The following FOLH1 variants were observed in gnomAD, a reference collection of about 807,000 sequenced individuals.
FOLH1 encodes the protein glutamate carboxypeptidase 2.
FOLH1 carries 54 observed loss-of-function variants against 93.9 expected under a neutral mutation model. The ratio of observed to expected loss-of-function variants is 0.57; its 90% CI spans 0.46 to 0.72. The LOEUF is 0.72. FOLH1 is among the 30% of genes least tolerant of loss of function. The pLI, the probability that FOLH1 is intolerant of heterozygous loss-of-function variation, is 0.00. For synonymous variants in FOLH1, 249 were observed against 303.6 expected (o/e 0.82, Z 1.87); for missense variants, 571 against 892.5 (o/e 0.64, Z 4.59).
intron 5 of FOLH1, among the ~76,000 whole-genome samples, 164 bp downstream of exon 5, chr11:49,186,480 G>A (rs1861397323): frequency 6.6e-6 from 1 of 152,062 alleles, no homozygotes; most frequent in Non-Finnish European, 1.5e-5. Context: ...TTTAACCCCG[G>A]GATATAACCT....
rs1858892950 is a variant in FOLH1 at position 49,169,278 on chromosome 11, T to G, written c.1309-20A>C. 6.2e-7 allele frequency: 1 copy of G among 1,608,398 alleles called. No individual in the cohort carries two copies. The highest frequency in any genetic ancestry group is 1.7e-5 in the Admixed American group (1 of 59,918). On this transcript the variant is annotated intron_variant, in intron 11 of 18. Coordinates refer to ENST00000256999, the MANE Select transcript of FOLH1 (RefSeq NM_004476.3). ...ATTCTCCTATAATAAAAAGGAAAAC[T>G]ATAAATATAAAGTTATAACCCACTC... is the stretch of plus-strand genomic sequence containing the variant.
chr11:49,177,723 G>A (rs1160463930), intron 7 of FOLH1, among the ~76,000 whole-genome samples: 6 of 149,852 alleles, frequency 4.0e-5, no homozygotes, highest in Admixed American at 3.3e-4. Flanking sequence ...CGAGGCAAGC[G>A]GATCACCTGA....
Position 49,208,401 on chromosome 11 carries a change from A to C in FOLH1, c.9T>G (p.Asn3Lys). 1 of 1,597,794 alleles carries C rather than the reference A, an allele frequency of 6.3e-7. No individual in the cohort carries two copies. The highest frequency in any genetic ancestry group is 8.5e-7 in the Non-Finnish European group (1 of 1,169,834). Residue 3 changes from asparagine (N) to lysine (K), a missense_variant, in exon 1 of 19, where the codon AAT (asparagine) becomes AAG (lysine). Around this residue, in one of 2 missense-constraint regions of FOLH1, gnomAD observed 71 missense variants for 69.6 expected, o/e 1.02. Coordinates refer to ENST00000256999, the MANE Select transcript of FOLH1 (RefSeq NM_004476.3). Reference sequence around the variant, plus strand: ...CAGCCGAGTCGGTTTCGTGAAGGAGATTCCACATCTCGGCGCGAGCAGAGC... The same window carrying C: ...CAGCCGAGTCGGTTTCGTGAAGGAGCTTCCACATCTCGGCGCGAGCAGAGC... MW[N>K]LLHETDSAVA...
At chr11:49,148,170 A>G (rs1855998936) in intron 18 of FOLH1, among the ~76,000 whole-genome samples, 1 of 152,004 alleles carries the variant, frequency 6.6e-6, no homozygotes, top group South Asian at 2.1e-4. Flanking sequence ...TTAGGAGGAA[A>G]TAAAATATCT....
chr11:49,186,544 T>C (rs1393769191), intron 5 of FOLH1, 100 bp downstream of exon 5: 12 of 1,318,452 alleles, frequency 9.1e-6, no homozygotes, highest in Admixed American at 4.6e-5. Context: ...AAGAAAATAA[T>C]GGTATTCATA....
chr11:49,148,572 G>A, intron 18 of FOLH1, 67 bp downstream of exon 18: 2 of 1,260,058 alleles, frequency 1.6e-6, no homozygotes, highest in Admixed American at 2.7e-5. Context: ...TTTCCACAGT[G>A]AAAAAAATAA....
At chr11:49,179,819 C>T (rs596712) in intron 7 of FOLH1, among the ~76,000 whole-genome samples, 55,810 of 151,976 alleles carry the variant, frequency 0.37, 11,570 homozygotes, top group African/African-American at 0.57. Context: ...TCAACAAAAT[C>T]AGCAAACCAT....
intron 16 of FOLH1, 112 bp downstream of exon 16, chr11:49,154,116 T>C: frequency 6.8e-6 from 10 of 1,472,596 alleles, no homozygotes; most frequent in South Asian, 1.4e-5. Context: ...AAACAGAATA[T>C]TGGATCACTT....
intron 7 of FOLH1, among the ~76,000 whole-genome samples, chr11:49,179,659 A>G (rs1860498498): frequency 6.6e-6 from 1 of 152,198 alleles, no homozygotes; most frequent in Non-Finnish European, 1.5e-5. Flanking sequence ...AGAATCTCAA[A>G]TCATTAAGCT....
At chr11:49,162,796 T>A (rs1173921372) in intron 13 of FOLH1, 1 of 152,184 alleles carries the variant, frequency 6.6e-6, no homozygotes, top group Non-Finnish European at 1.5e-5. Context: ...TTTTCTTTTT[T>A]TTTTTTTTAA....
intron 12 of FOLH1, among the ~76,000 whole-genome samples, chr11:49,168,049 T>C (rs1391959697): frequency 2.6e-5 from 4 of 151,056 alleles, no homozygotes; most frequent in Non-Finnish European, 5.9e-5. Context: ...TAGTCCTTTT[T>C]TTTTTTTTTT....
chr11:49,178,888 G>C (rs1312532518), intron 7 of FOLH1, among the ~76,000 whole-genome samples: 4 of 152,104 alleles, frequency 2.6e-5, no homozygotes, highest in South Asian at 2.1e-4. Flanking sequence ...GAGAAGACTT[G>C]TTGTCTACTA....
At chr11:49,185,523 T>A (rs1390165360) in intron 6 of FOLH1, 146 bp downstream of exon 6, 1 of 1,068,152 alleles carries the variant, frequency 9.4e-7, no homozygotes. Context: ...CCTGAACCAA[T>A]CACTTTAGAG....
intron 10 of FOLH1, among the ~76,000 whole-genome samples, chr11:49,173,128 C>T (rs1487882191): frequency 1.3e-5 from 2 of 152,064 alleles, no homozygotes; most frequent in Non-Finnish European, 2.9e-5. Flanking sequence ...CAGTATAATT[C>T]CTTTATTTCA....
intron 17 of FOLH1, among the ~76,000 whole-genome samples, chr11:49,153,617 C>T (rs1164060424): frequency 1.3e-5 from 2 of 151,972 alleles, no homozygotes; most frequent in African/African-American, 4.8e-5. Flanking sequence ...CTACATAGGA[C>T]GTGCTAGAGT....
At chr11:49,165,164 C>T (rs1397356075) in intron 12 of FOLH1, among the ~76,000 whole-genome samples, 3 of 152,108 alleles carry the variant, frequency 2.0e-5, no homozygotes, top group African/African-American at 7.2e-5. Context: ...ACTCTCTTAC[C>T]CCCTAATTTT....
In FOLH1 at chr11:49,173,338, T is replaced by A. The variant is rs61886507; in HGVS notation, c.1225+19A>T. On this transcript the variant is annotated intron_variant, in intron 10 of 18. Coordinates refer to ENST00000256999, the MANE Select transcript of FOLH1 (RefSeq NM_004476.3). The stretch of plus-strand genomic sequence containing the variant: ...GACTCAGATAGGCTGTTTTTTTTCT[T>A]GCTGTTTGTTTGTATTACCTTCCTT... 0.045 allele frequency: 71,775 copies of A among 1,602,288 alleles called. 1,894 individuals are homozygous for A. The highest frequency in any genetic ancestry group is 0.052 in the Non-Finnish European group (60,563 of 1,173,394).
chr11:49,182,692 G>T (rs1316082722), intron 7 of FOLH1, among the ~76,000 whole-genome samples: 1 of 152,212 alleles, frequency 6.6e-6, no homozygotes, highest in Non-Finnish European at 1.5e-5. Context: ...AGGAGGAAAA[G>T]AAAGAGGAGT....
At position 49,208,455 on chromosome 11, in the gene FOLH1, C is replaced by G; in HGVS notation, c.-46G>C. 1.5e-6 allele frequency: 2 copies of G among 1,349,944 alleles called. No individual in the cohort carries two copies. Among genetic ancestry groups the G allele is most frequent in the African/African-American group, 2.9e-5 (2 of 68,956 alleles). The allele number at this position is 1,349,944 out of a possible 1,614,324, so 83.6% of individuals were successfully genotyped here. ...CCTCCCGGGACCCGCGCCTGTGCTGCTGCTCTACTGCGCGCCCTCCAACCA... is the reference window on the plus strand; with the variant it reads ...CCTCCCGGGACCCGCGCCTGTGCTGGTGCTCTACTGCGCGCCCTCCAACCA... On this transcript the variant is annotated 5_prime_UTR_variant, in exon 1 of 19. Coordinates refer to ENST00000256999, the MANE Select transcript of FOLH1 (RefSeq NM_004476.3).
Sources: allele counts gnomAD v4.1 joint callset (sites outside exome capture counted in the v4.1 genomes callset), GRCh38; gene constraint gnomAD v4.1.1; regional missense constraint gnomAD v4.1.1; transcripts MANE v1.5; gene names NCBI Gene and HGNC (gene_info 2026-07-23, HGNC 2026-07-21).